The following NCKAP5 variants were observed in gnomAD, a reference collection of about 807,000 sequenced individuals.
NCKAP5 encodes the protein NCK associated protein 5.
In NCKAP5, 92 loss-of-function variants were observed where a neutral mutation model predicts 167.0. That is an observed-to-expected ratio of 0.55 (90% confidence interval 0.47 to 0.66). The LOEUF is 0.66. Among genes scored for constraint, NCKAP5 ranks in the 30% least tolerant of loss-of-function variants. The probability of loss-of-function intolerance (pLI) is 0.00; values close to 1 mark genes in which losing one functional copy is unlikely to be tolerated. For missense variants in NCKAP5, 2,378 were observed against 2,315.0 expected, an observed-to-expected ratio of 1.03 and a Z score of -0.56; for synonymous variants, 891 against 877.4, an observed-to-expected ratio of 1.02 and a Z score of -0.27.
intron 8 of NCKAP5, among the ~76,000 whole-genome samples, chr2:132,894,585 G>T (rs1353573285): frequency 6.6e-6 from 1 of 152,194 alleles, no homozygotes; most frequent in African/African-American, 2.4e-5. Context: ...GTTCAGGGAT[G>T]CTGACTGCTC....
chr2:132,791,162 C>G (rs192788617), intron 12 of NCKAP5, among the ~76,000 whole-genome samples: 30 of 152,320 alleles, frequency 2.0e-4, no homozygotes, highest in African/African-American at 7.2e-4. Flanking sequence ...ACACTTTCCT[C>G]TGGTTCTGAT....
chr2:132,896,242 G>A (rs1174881512), intron 8 of NCKAP5, among the ~76,000 whole-genome samples: 5 of 152,218 alleles, frequency 3.3e-5, no homozygotes, highest in Admixed American at 2.0e-4. Context: ...ACGTGAAAAT[G>A]AATCCCATTC....
At chr2:133,076,935 C>T (rs951093155) in intron 6 of NCKAP5, among the ~76,000 whole-genome samples, 2 of 152,152 alleles carry the variant, frequency 1.3e-5, no homozygotes, top group Non-Finnish European at 2.9e-5. Context: ...AAAAGCTACA[C>T]TCACTGTCAT....
intron 6 of NCKAP5, among the ~76,000 whole-genome samples, chr2:133,074,063 T>C (rs2080512392): frequency 6.6e-6 from 1 of 152,226 alleles, no homozygotes; most frequent in Admixed American, 6.5e-5. Flanking sequence ...TTTCTGTGTG[T>C]AAAACCTCTA....
At chr2:133,027,256 C>T (rs559026088) in intron 6 of NCKAP5, among the ~76,000 whole-genome samples, 4 of 152,180 alleles carry the variant, frequency 2.6e-5, no homozygotes, top group Admixed American at 2.6e-4. Flanking sequence ...GCATGTAACA[C>T]CCATGAACCA....
At chr2:132,849,966 C>T (rs114690828) in intron 11 of NCKAP5, among the ~76,000 whole-genome samples, 424 of 152,270 alleles carry the variant, frequency 2.8e-3, no homozygotes, top group African/African-American at 8.9e-3. Context: ...CTCCTGGAAT[C>T]GAGCCGCTAC....
At chr2:133,428,907 G>A (rs990395551) in intron 3 of NCKAP5, among the ~76,000 whole-genome samples, 1 of 152,112 alleles carries the variant, frequency 6.6e-6, no homozygotes, top group African/African-American at 2.4e-5. Context: ...CTAGGCAGTT[G>A]AATACACTGT....
intron 13 of NCKAP5, among the ~76,000 whole-genome samples, chr2:132,788,357 A>G (rs189624161): frequency 6.6e-6 from 1 of 152,268 alleles, no homozygotes; most frequent in Admixed American, 6.5e-5. Context: ...AAAGGGTCTT[A>G]ATGGGAGCAA....
chr2:132,829,775 G>A (rs1221810392), intron 11 of NCKAP5, among the ~76,000 whole-genome samples: 1 of 152,164 alleles, frequency 6.6e-6, no homozygotes, highest in Non-Finnish European at 1.5e-5. Flanking sequence ...AAGGTTCCCA[G>A]GTGATGCTGC....
At chr2:133,572,027 T>C (rs558105217), upstream of NCKAP5, among the ~76,000 whole-genome samples, 5 of 151,320 alleles carry the variant, frequency 3.3e-5, no homozygotes, top group Non-Finnish European at 5.9e-5. Context: ...TTACACACTA[T>C]TATCTTCACT....
chr2:132,897,742 C>G (rs1045649531), intron 8 of NCKAP5, among the ~76,000 whole-genome samples: 1 of 152,210 alleles, frequency 6.6e-6, no homozygotes, highest in South Asian at 2.1e-4. Flanking sequence ...TTATATTACA[C>G]TACTACACTA....
intron 19 of NCKAP5, among the ~76,000 whole-genome samples, chr2:132,720,008 G>C (rs867316052): frequency 1.6e-4 from 24 of 152,176 alleles, no homozygotes; most frequent in Admixed American, 3.3e-4. Context: ...TACTAGAATT[G>C]TTATTTTACT....
chr2:133,293,492 C>T (rs1244060185), intron 4 of NCKAP5, among the ~76,000 whole-genome samples: 4 of 152,116 alleles, frequency 2.6e-5, no homozygotes, highest in Admixed American at 1.3e-4. Context: ...TCTTTCTGGA[C>T]GTAGTTCTAC....
At chr2:132,769,218 G>T (rs1295946073) in intron 16 of NCKAP5, among the ~76,000 whole-genome samples, 1 of 152,090 alleles carries the variant, frequency 6.6e-6, no homozygotes, top group African/African-American at 2.4e-5. Context: ...AAAGTGCTGG[G>T]ATTACAGAGA....
chr2:133,365,675 C>T (rs559874015), intron 3 of NCKAP5, among the ~76,000 whole-genome samples: 144 of 152,270 alleles, frequency 9.5e-4, no homozygotes, highest in African/African-American at 2.9e-3. Context: ...CAGTTGAATA[C>T]AAAGAGAGTT....
In NCKAP5 at chr2:133,284,297, A is replaced by T. The variant is rs186844579; in HGVS notation, c.143+18740T>A. ...GACAAATAAAAGGAAGCCCTACCCC[A>T]TAGAGTAGGGATTAAGTTGATGGAA... is the stretch of plus-strand genomic sequence containing the variant. On this transcript the variant is annotated intron_variant, in intron 4 of 19. Transcript: ENST00000409261. Among the ~76,000 whole-genome samples the T allele has an allele frequency of 1.5e-3, 229 of 152,290 alleles. 1 individual carries two copies. Among genetic ancestry groups the T allele is most frequent in the Non-Finnish European group, 2.8e-3 (189 of 68,026 alleles).
At chr2:132,862,997 T>G (rs1374301407) in intron 10 of NCKAP5, among the ~76,000 whole-genome samples, 2 of 151,890 alleles carry the variant, frequency 1.3e-5, no homozygotes, top group East Asian at 3.9e-4. Context: ...AATTTTTGTA[T>G]TTTTAGTAGA....
rs143625130 is a variant in NCKAP5, at chr2:133,536,012, A to T, written c.-61-18425T>A. 4.1e-4 allele frequency among the ~76,000 whole-genome samples: 63 copies of T among 152,102 alleles called. No individual in the cohort carries two copies. The East Asian group carries it at 0.012, about 28-fold the overall frequency. On this transcript the variant is annotated intron_variant, in intron 2 of 19. Transcript: ENST00000409261. ...TGTTTTCTTCTTGCTGAGTTGTTTG[A>T]GTTCCTTGTAGACTCTGGATATTAG...
At chr2:133,009,557 A>G (rs921132828) in intron 6 of NCKAP5, among the ~76,000 whole-genome samples, 10 of 152,178 alleles carry the variant, frequency 6.6e-5, no homozygotes, top group African/African-American at 2.4e-4. Flanking sequence ...TTCCTGATGT[A>G]TTCATTCATT....
Sources: gnomAD v4.1 joint callset for allele counts (sites outside exome capture counted in the v4.1 genomes callset) on GRCh38, gnomAD v4.1.1 for gene constraint, MANE v1.5 for transcripts, NCBI Gene and HGNC (gene_info 2026-07-23, HGNC 2026-07-21) for gene names.